CLSTN2: variants seen among roughly 807,000 people sequenced by gnomAD.
CLSTN2 encodes the protein calsyntenin-2.
Under a neutral mutation model 101.2 loss-of-function variants are expected in CLSTN2, and 48 were observed. That is an observed-to-expected ratio of 0.47 (90% CI 0.38 to 0.60). CLSTN2 has a LOEUF of 0.60. Among genes scored for constraint, CLSTN2 ranks in the 20% least tolerant of loss-of-function variants. The probability of loss-of-function intolerance (pLI) is 0.00; values close to 1 mark genes in which losing one functional copy is unlikely to be tolerated. For synonymous variants in CLSTN2, 481 were observed against 463.6 expected, an observed-to-expected ratio of 1.04 and a Z score of -0.48; for missense variants, 1,160 against 1,238.2, an observed-to-expected ratio of 0.94 and a Z score of 0.95.
intron 1 of CLSTN2, among the ~76,000 whole-genome samples, chr3:140,127,735 G>A (rs1370934985): frequency 6.6e-6 from 1 of 152,112 alleles, no homozygotes; most frequent in Non-Finnish European, 1.5e-5. Flanking sequence ...AATAAGAATA[G>A]GACTGGCCTC....
At chr3:140,427,244 T>TATATATGTGTATATATATATAC (rs371684488) in intron 5 of CLSTN2, among the ~76,000 whole-genome samples, 1 of 127,570 alleles carries the variant, frequency 7.8e-6, no homozygotes, top group African/African-American at 3.4e-5. Flanking sequence ...TATATATATA[T>TATATATGTGTATATATATATAC]ACATATATAT....
Position 140,566,097 on chromosome 3 carries a change from A to C in CLSTN2, c.2712A>C (p.Glu904Asp). ...PGHGEDETEG[E>D]EEEEAEEEMS... ...ATGGGGAAGATGAGACTGAGGGAGAAGAGGAGGAAGAAGCCGAGGAAGAAA... is the reference window on the plus strand; with the variant it reads ...ATGGGGAAGATGAGACTGAGGGAGACGAGGAGGAAGAAGCCGAGGAAGAAA... Residue 904 changes from glutamate to aspartate, a missense_variant, in exon 17 of 17, where the codon GAA becomes GAC. Glu to Asp is a conservative substitution (Grantham distance 45). Coordinates refer to ENST00000458420, the MANE Select transcript of CLSTN2 (RefSeq NM_022131.3). 1 of 1,612,568 alleles carries C rather than the reference A, an allele frequency of 6.2e-7. No homozygotes were observed. Among genetic ancestry groups the C allele is most frequent in the Non-Finnish European group, 8.5e-7 (1 of 1,178,606 alleles).
chr3:140,552,378 A>T (rs1935718573), intron 10 of CLSTN2, among the ~76,000 whole-genome samples: 1 of 145,530 alleles, frequency 6.9e-6, no homozygotes, highest in Admixed American at 7.0e-5. Flanking sequence ...AAACCCACCC[A>T]CAGAGCTGGG....
intron 8 of CLSTN2, among the ~76,000 whole-genome samples, chr3:140,497,261 C>T (rs951452841): frequency 2.6e-5 from 4 of 152,146 alleles, no homozygotes; most frequent in Admixed American, 2.6e-4. Flanking sequence ...CCACCCTTCC[C>T]ATCAGGGGCT....
intron 10 of CLSTN2, among the ~76,000 whole-genome samples, chr3:140,551,722 A>G (rs77685262): frequency 0.028 from 4,214 of 151,962 alleles, 69 homozygotes; most frequent in East Asian, 0.052. Flanking sequence ...TTAAGCCCGA[A>G]TCTCTTGTGT....
chr3:140,426,995 C>G, intron 5 of CLSTN2, among the ~76,000 whole-genome samples: 1 of 151,154 alleles, frequency 6.6e-6, no homozygotes, highest in African/African-American at 2.4e-5. Context: ...GCCAACATGG[C>G]GAATCCCTGT....
At chr3:140,260,305 C>T (rs375515881) in intron 2 of CLSTN2, among the ~76,000 whole-genome samples, 2 of 151,920 alleles carry the variant, frequency 1.3e-5, no homozygotes, top group Non-Finnish European at 2.9e-5. Context: ...ATCTTAGGAA[C>T]TATCACTGTG....
intron 1 of CLSTN2, among the ~76,000 whole-genome samples, chr3:140,062,329 A>G (rs1275989079): frequency 6.6e-6 from 1 of 152,238 alleles, no homozygotes; most frequent in African/African-American, 2.4e-5. Flanking sequence ...TCCCTATTCT[A>G]CAGGCAGGCA....
intron 1 of CLSTN2, among the ~76,000 whole-genome samples, chr3:139,998,642 C>T (rs2006746502): frequency 1.3e-5 from 2 of 152,092 alleles, no homozygotes; most frequent in African/African-American, 4.8e-5. Context: ...CCGTGCCTGG[C>T]CACTTTTAGG....
chr3:140,229,091 AGAACTAGGCTGGGT>A (rs1559812708), intron 2 of CLSTN2, among the ~76,000 whole-genome samples: 1 of 152,194 alleles, frequency 6.6e-6, no homozygotes, highest in Non-Finnish European at 1.5e-5. Context: ...GCCCCACCAT[AGAACTAGGCTGGGT>A]GACTTCTGTG....
At chr3:140,348,024 A>G (rs944169751) in intron 2 of CLSTN2, among the ~76,000 whole-genome samples, 1 of 152,164 alleles carries the variant, frequency 6.6e-6, no homozygotes, top group African/African-American at 2.4e-5. Context: ...GAAAGTTAGC[A>G]TTGTCTGTCA....
At chr3:140,538,295 C>A (rs1185668773) in intron 9 of CLSTN2, among the ~76,000 whole-genome samples, 1 of 152,194 alleles carries the variant, frequency 6.6e-6, no homozygotes, top group African/African-American at 2.4e-5. Context: ...AGCCTTTCTA[C>A]CCTGGATCCT....
intron 1 of CLSTN2, among the ~76,000 whole-genome samples, chr3:140,002,843 T>G (rs2006871750): frequency 6.6e-6 from 1 of 152,204 alleles, no homozygotes; most frequent in Non-Finnish European, 1.5e-5. Flanking sequence ...TGTATGTTCT[T>G]GTCACTTTTA....
chr3:140,278,756 T>C (rs1559827070), intron 2 of CLSTN2, among the ~76,000 whole-genome samples: 1 of 152,240 alleles, frequency 6.6e-6, no homozygotes, highest in African/African-American at 2.4e-5. Context: ...GGTCTCACTC[T>C]GCTGCCCAGA....
intron 1 of CLSTN2, among the ~76,000 whole-genome samples, chr3:140,005,549 T>C (rs2006937805): frequency 6.6e-6 from 1 of 152,160 alleles, no homozygotes; most frequent in East Asian, 1.9e-4. Context: ...TCAGTAAGCC[T>C]TTTACCTGAA....
At chr3:140,560,671 C>G (rs922577617) in intron 12 of CLSTN2, among the ~76,000 whole-genome samples, 21 of 152,246 alleles carry the variant, frequency 1.4e-4, no homozygotes, top group African/African-American at 4.6e-4. Context: ...AATCAAGGAA[C>G]CTGCAGATGG....
At position 139,938,226 on chromosome 3, in the gene CLSTN2, G is replaced by T. The variant is rs1215345473; in HGVS notation, c.109+2743G>T. On this transcript the variant is annotated intron_variant, in intron 1 of 16. Coordinates refer to ENST00000458420, the MANE Select transcript of CLSTN2 (RefSeq NM_022131.3). Reference sequence around the variant, plus strand: ...CTTTCGTACAATTCTGTATTCATGTGTAGAAAAACACTGGGAGTCTGGAGT... The same window carrying T: ...CTTTCGTACAATTCTGTATTCATGTTTAGAAAAACACTGGGAGTCTGGAGT... Among the ~76,000 whole-genome samples, 30 of 151,520 alleles carry T rather than the reference G, an allele frequency of 2.0e-4. 1 individual carries two copies. Among genetic ancestry groups the T allele is most frequent in the Admixed American group, 1.8e-3 (28 of 15,220 alleles).
At chr3:140,537,438 C>T (rs371494002) in intron 9 of CLSTN2, among the ~76,000 whole-genome samples, 1 of 152,204 alleles carries the variant, frequency 6.6e-6, no homozygotes, top group Admixed American at 6.5e-5. Context: ...GAAAGGCCTA[C>T]AGCATGTGGC....
chr3:140,472,191 T>C (rs1264593681), intron 8 of CLSTN2, among the ~76,000 whole-genome samples: 2 of 152,102 alleles, frequency 1.3e-5, no homozygotes, highest in African/African-American at 2.4e-5. Context: ...TATTCCTCCT[T>C]CTCATATAAA....
Sources: gnomAD v4.1 joint callset for allele counts (sites outside exome capture counted in the v4.1 genomes callset) on GRCh38, gnomAD v4.1.1 for gene constraint, MANE v1.5 for transcripts, NCBI Gene and HGNC (gene_info 2026-07-23, HGNC 2026-07-21) for gene names.